INSC: variants seen among roughly 807,000 people sequenced by gnomAD.
INSC encodes protein inscuteable homolog.
INSC carries 67 observed loss-of-function variants against 58.6 expected under a neutral mutation model. That is an observed-to-expected ratio of 1.14 (90% CI 0.94 to 1.40). The LOEUF is 1.40. Among genes scored for constraint, INSC ranks in the 40% most tolerant of loss-of-function variants. The probability of loss-of-function intolerance (pLI) is 0.00; values close to 1 mark genes in which losing one functional copy is unlikely to be tolerated. For missense variants in INSC, 714 were observed against 692.0 expected (o/e 1.03, Z -0.36); for synonymous variants, 262 against 276.1 (o/e 0.95, Z 0.51).
chr11:15,230,007 A>AATAT (rs1851850005), intron 9 of INSC, among the ~76,000 whole-genome samples: 1 of 26,404 alleles, frequency 3.8e-5, no homozygotes, highest in African/African-American at 1.7e-4. Flanking sequence ...ATATATATAT[A>AATAT]TATATAATAT....
intron 1 of INSC, among the ~76,000 whole-genome samples, chr11:15,124,284 G>T (rs1590331738): frequency 6.6e-6 from 1 of 152,310 alleles, no homozygotes; most frequent in East Asian, 1.9e-4. Flanking sequence ...CTAGGGCTGG[G>T]CTGGGTATGA....
chr11:15,202,545 C>A (rs1016708670), intron 7 of INSC, among the ~76,000 whole-genome samples: 3 of 152,130 alleles, frequency 2.0e-5, no homozygotes, highest in Non-Finnish European at 4.4e-5. Flanking sequence ...CATTGAGCAT[C>A]CTCAACTTCA....
In INSC at chr11:15,246,127, T is replaced by G. The variant is rs2133990742; in HGVS notation, c.*87T>G. On this transcript the variant is annotated 3_prime_UTR_variant, in exon 13 of 13. Transcript: ENST00000379556. ...AACACATCTGAGTACATACCAGCTC[T>G]CCTCATCTTCTTATTTATACTTAAC... 1.4e-6 allele frequency: 2 copies of G among 1,390,246 alleles called. No individual in the cohort carries two copies. Among genetic ancestry groups the G allele is most frequent in the Non-Finnish European group, 2.0e-6 (2 of 1,014,662 alleles). The allele number at this position is 1,390,246 out of a possible 1,614,324, so 86.1% of individuals were successfully genotyped here. A position where few individuals can be genotyped will look rare whatever the true frequency, so the allele number is the denominator to read the frequency against.
At chr11:15,208,876 G>A (rs1850913748) in intron 7 of INSC, among the ~76,000 whole-genome samples, 1 of 152,226 alleles carries the variant, frequency 6.6e-6, no homozygotes, top group East Asian at 1.9e-4. Flanking sequence ...TCCTGGGGCT[G>A]TTGAGGCTGG....
At chr11:15,213,506 T>C (rs16931218) in intron 7 of INSC, among the ~76,000 whole-genome samples, 8,631 of 152,234 alleles carry the variant, frequency 0.057, 346 homozygotes, top group African/African-American at 0.11. Context: ...ACATGCCTAG[T>C]AACCCTAGCC....
chr11:15,117,523 A>G (rs1340507570), intron 1 of INSC, among the ~76,000 whole-genome samples: 4 of 152,264 alleles, frequency 2.6e-5, no homozygotes, highest in African/African-American at 7.2e-5. Flanking sequence ...CTCTTAGTCC[A>G]TCATATGGCT....
At chr11:15,182,235 A>C (rs1849806116) in intron 5 of INSC, among the ~76,000 whole-genome samples, 2 of 152,288 alleles carry the variant, frequency 1.3e-5, no homozygotes, top group African/African-American at 4.8e-5. Context: ...ACTTCAGGCA[A>C]CCTGTTGTCC....
chr11:15,259,895 T>C, the INSC span, among the ~76,000 whole-genome samples: 1 of 152,200 alleles, frequency 6.6e-6, no homozygotes, highest in Non-Finnish European at 1.5e-5. Flanking sequence ...TAGATTTTCT[T>C]TGCGTCCCTA....
rs532449201 is a variant in INSC at position 15,122,255 on chromosome 11, G to A, written c.-46+7252G>A. ...ACTTTAGATTGGGTGGTTAGAAATGGCCTCTTTCAGGAGGCAATATTTAGA... is the reference window on the plus strand; with the variant it reads ...ACTTTAGATTGGGTGGTTAGAAATGACCTCTTTCAGGAGGCAATATTTAGA... On this transcript the variant is annotated intron_variant, in intron 1 of 12. Transcript: ENST00000379556. Among the ~76,000 whole-genome samples the A allele has an allele frequency of 2.6e-4, 39 of 152,300 alleles. 1 individual carries two copies. In the South Asian group the frequency reaches 7.7e-3, roughly 30 times the overall value.
At chr11:15,259,065 C>A in the INSC span, among the ~76,000 whole-genome samples, 2 of 152,250 alleles carry the variant, frequency 1.3e-5, no homozygotes, top group African/African-American at 4.8e-5. Flanking sequence ...GCTCTAGATA[C>A]AAAGTTACTG....
intron 1 of INSC, among the ~76,000 whole-genome samples, chr11:15,119,397 C>A (rs868649479): frequency 6.6e-6 from 1 of 152,162 alleles, no homozygotes; most frequent in Non-Finnish European, 1.5e-5. Flanking sequence ...CCAGACTCTG[C>A]GATCTGGCCG....
chr11:15,230,385 G>A (rs1851881018), intron 9 of INSC, among the ~76,000 whole-genome samples: 1 of 151,946 alleles, frequency 6.6e-6, no homozygotes, highest in Admixed American at 6.6e-5. Flanking sequence ...AGAAGCAGGA[G>A]CAAGAGAGAG....
At chr11:15,129,426 C>T (rs1848074163) in intron 1 of INSC, among the ~76,000 whole-genome samples, 1 of 152,172 alleles carries the variant, frequency 6.6e-6, no homozygotes, top group Non-Finnish European at 1.5e-5. Context: ...AGAAAAAAAT[C>T]CTATAGGGAA....
chr11:15,180,424 G>A (rs1289536136), intron 5 of INSC, among the ~76,000 whole-genome samples: 1 of 152,114 alleles, frequency 6.6e-6, no homozygotes, highest in East Asian at 1.9e-4. Flanking sequence ...AGAAGAGCCT[G>A]GGAAAATCTC....
At chr11:15,185,300 AT>A (rs1233382329) in intron 5 of INSC, among the ~76,000 whole-genome samples, 1 of 152,166 alleles carries the variant, frequency 6.6e-6, no homozygotes, top group Non-Finnish European at 1.5e-5. Flanking sequence ...TGGGAACAAG[AT>A]TTTTCAGAGT....
upstream of INSC, among the ~76,000 whole-genome samples, chr11:15,111,713 C>A (rs763130582): frequency 1.6e-4 from 25 of 152,154 alleles, no homozygotes; most frequent in Non-Finnish European, 3.4e-4. Context: ...AACCACCTGG[C>A]CTCCCTTTTC....
In INSC at chr11:15,117,180, G is replaced by T. The variant is rs1034122739; in HGVS notation, c.-46+2177G>T. Among the ~76,000 whole-genome samples, 3 of 151,746 alleles carry T rather than the reference G, an allele frequency of 2.0e-5. No individual in the cohort carries two copies. The South Asian group carries it at 6.2e-4, about 32-fold the overall frequency. On this transcript the variant is annotated intron_variant, in intron 1 of 12. Coordinates refer to ENST00000379556, the MANE Select transcript of INSC (RefSeq NM_001042536.3). ...TGGTCTTGAACTCCTGACCTCAGGT[G>T]ATCTGCCTGCCTAGGCCTCCGATAC... is the stretch of plus-strand genomic sequence containing the variant.
At chr11:15,165,195 T>A (rs1337367938) in intron 2 of INSC, among the ~76,000 whole-genome samples, 1 of 152,128 alleles carries the variant, frequency 6.6e-6, no homozygotes, top group East Asian at 1.9e-4. Flanking sequence ...TCAGTTTTCA[T>A]GTGGGGGTTT....
intron 7 of INSC, among the ~76,000 whole-genome samples, chr11:15,207,110 C>A (rs560163284): frequency 7.2e-5 from 11 of 151,988 alleles, no homozygotes; most frequent in African/African-American, 2.7e-4. Flanking sequence ...AGCTGGACTG[C>A]GGACTATGGT....
Sources: allele counts gnomAD v4.1 joint callset (sites outside exome capture counted in the v4.1 genomes callset), GRCh38; gene constraint gnomAD v4.1.1; transcripts MANE v1.5; gene names NCBI Gene and HGNC (gene_info 2026-07-23, HGNC 2026-07-21).